ACACB: variants seen among roughly 807,000 people sequenced by gnomAD.
The protein encoded by ACACB is acetyl-CoA carboxylase beta.
A neutral mutation model predicts 278.8 loss-of-function variants in ACACB; 209 were observed. The observed-to-expected ratio is 0.75, with a 90% CI of 0.67 to 0.84. The LOEUF (loss-of-function observed/expected upper bound fraction) is 0.84. ACACB is among the 40% of genes least tolerant of loss of function. The pLI is 0.00. For synonymous variants in ACACB, 1,174 were observed against 1,285.6 expected (o/e 0.91, Z 1.86); for missense variants, 2,850 against 3,269.0 (o/e 0.87, Z 3.13).
At chr12:109,141,619 T>C (rs2043128206) in intron 2 of ACACB, among the ~76,000 whole-genome samples, 1 of 152,364 alleles carries the variant, frequency 6.6e-6, no homozygotes, top group South Asian at 2.1e-4. Flanking sequence ...TCTCCTGTAC[T>C]CTCTCCCAAA....
At chr12:109,211,987 A>T (rs1197658701) in intron 21 of ACACB, among the ~76,000 whole-genome samples, 4 of 152,178 alleles carry the variant, frequency 2.6e-5, no homozygotes, top group African/African-American at 9.6e-5. Flanking sequence ...ACCCTTCCCC[A>T]TGAGCACCCT....
chr12:109,212,785 G>C, intron 21 of ACACB, 51 bp from the exon 22 acceptor site: 1 of 1,503,622 alleles, frequency 6.7e-7, no homozygotes, highest in Non-Finnish European at 9.3e-7. Context: ...GGGGACTGCT[G>C]TGTGTCATCT....
the ACACB span, chr12:109,111,262 GTAAC>G: frequency 3.9e-5 from 6 of 152,598 alleles, no homozygotes; most frequent in East Asian, 7.7e-4. Flanking sequence ...CCCCAGAGGG[GTAAC>G]TAACGGCCTG....
At chr12:109,234,549 A>G (rs553824777) in intron 31 of ACACB, among the ~76,000 whole-genome samples, 1 of 152,210 alleles carries the variant, frequency 6.6e-6, no homozygotes, top group Non-Finnish European at 1.5e-5. Context: ...TATCTTTTTA[A>G]TAACAGCTTT....
At chr12:109,235,842 T>A (rs1479215943) in intron 33 of ACACB, 195 bp downstream of exon 33, 1 of 536,812 alleles carries the variant, frequency 1.9e-6, no homozygotes, top group Non-Finnish European at 3.3e-6. Flanking sequence ...TACAAAAAAA[T>A]TAAAAAATCA....
chr12:109,252,989 T>C, intron 42 of ACACB, 26 bp from the exon 43 acceptor site: 2 of 1,586,152 alleles, frequency 1.3e-6, no homozygotes, highest in Non-Finnish European at 1.7e-6. Flanking sequence ...GTGCAGGACA[T>C]TGCTAACCAT....
At chr12:109,126,943 A>G (rs939487585) in intron 1 of ACACB, among the ~76,000 whole-genome samples, 7 of 100,584 alleles carry the variant, frequency 7.0e-5, no homozygotes, top group Admixed American at 4.4e-4. Flanking sequence ...AATGCTGTAC[A>G]CCCGTACTCT....
Position 109,123,996 on chromosome 12 carries a change from T to C in ACACB, c.-10+7292T>C, listed in dbSNP as rs559319743. The stretch of plus-strand genomic sequence containing the variant: ...GAGCCACTGCATCTGGCCCCCAGAC[T>C]ATTTTCAAGCAATTCTCACAGCTAG... On this transcript the variant is annotated intron_variant, in intron 1 of 52. Transcript: ENST00000338432. Among the ~76,000 whole-genome samples, 129 of 152,130 alleles carry C rather than the reference T, an allele frequency of 8.5e-4. 2 individuals carry two copies. The highest frequency in any genetic ancestry group is 3.0e-3 in the African/African-American group (124 of 41,520).
intron 34 of ACACB, among the ~76,000 whole-genome samples, chr12:109,238,342 AT>A (rs750967305): frequency 0.074 from 9,826 of 133,664 alleles, 356 homozygotes; most frequent in Middle Eastern, 0.11. Flanking sequence ...ACCGTGTATA[AT>A]TTTTTTTTTT....
intron 27 of ACACB, among the ~76,000 whole-genome samples, chr12:109,226,158 C>A (rs1217126431): frequency 6.6e-6 from 1 of 151,990 alleles, no homozygotes; most frequent in Non-Finnish European, 1.5e-5. Flanking sequence ...GTAGTCCCAG[C>A]TACTTGGGAG....
intron 1 of ACACB, 97 bp from the exon 2 acceptor site, chr12:109,139,300 C>A: frequency 1.7e-6 from 2 of 1,163,066 alleles, no homozygotes; most frequent in Non-Finnish European, 1.2e-6. Context: ...TTCAGGAATA[C>A]ACAGCACCCC....
At chr12:109,212,229 G>A (rs2045869775) in intron 21 of ACACB, among the ~76,000 whole-genome samples, 1 of 152,170 alleles carries the variant, frequency 6.6e-6, no homozygotes, top group Admixed American at 6.6e-5. Context: ...CTGGGAGGCT[G>A]TGGTGGGTCC....
At chr12:109,262,317 A>C (rs1312819163) in intron 48 of ACACB, 40 bp from the exon 49 acceptor site, 1 of 1,532,604 alleles carries the variant, frequency 6.5e-7, no homozygotes, top group Non-Finnish European at 9.0e-7. Flanking sequence ...TTGCTGGGCA[A>C]TGCCTCATAT....
In ACACB at chr12:109,239,958, G is replaced by A; in HGVS notation, c.4791G>A (p.Val1597=). 6.2e-7 allele frequency: 1 copy of A among 1,614,104 alleles called. No individual in the cohort carries two copies. The highest frequency in any genetic ancestry group is 8.5e-7 in the Non-Finnish European group (1 of 1,180,000). ...TDCNHIFLNF[V]PTVIMDPFKI... is the part of the protein sequence containing the mutation. ...GCAACCACATCTTCCTCAACTTCGT[G>A]CCCACTGTCATCATGGACCCCTTCA... Residue 1597 remains valine, a synonymous_variant, in exon 35 of 53, where the codon GTG becomes GTA. Coordinates refer to ENST00000338432, the MANE Select transcript of ACACB (RefSeq NM_001093.4).
At chr12:109,214,122 G>T (rs1338799061) in intron 22 of ACACB, among the ~76,000 whole-genome samples, 1 of 151,988 alleles carries the variant, frequency 6.6e-6, no homozygotes, top group Non-Finnish European at 1.5e-5. Flanking sequence ...ATGAGTCGGG[G>T]ATGGTGGTGT....
At chr12:109,252,863 TG>T (rs1178761214) in intron 42 of ACACB, 151 bp from the exon 43 acceptor site, 2 of 670,274 alleles carry the variant, frequency 3.0e-6, no homozygotes, top group African/African-American at 3.7e-5. Flanking sequence ...CTGATATAAT[TG>T]GTCTGGATGT....
At chr12:109,264,162 A>C in intron 49 of ACACB, 70 bp from the exon 50 acceptor site, 1 of 1,542,816 alleles carries the variant, frequency 6.5e-7, no homozygotes, top group Non-Finnish European at 8.8e-7. Flanking sequence ...TTCAAAAAAA[A>C]AAAAAAATCT....
chr12:109,197,094 G>A lies in ACACB; in HGVS notation c.2568G>A (p.Gly856=), dbSNP rs1290219062. 1 of 1,601,950 alleles carries A rather than the reference G, an allele frequency of 6.2e-7. No homozygotes were observed. The highest frequency in any genetic ancestry group is 1.7e-5 in the Admixed American group (1 of 57,560). ...ATGCCCACCGGCTGAATGATGGGGG[G>A]CTCCTGCTCTCCTACAATGGGAACA... is the stretch of plus-strand genomic sequence containing the variant. The part of the protein sequence containing the change: ...EIDAHRLNDG[G]LLLSYNGNSY... The change falls in exon 17 of 53, where the codon GGG becomes GGA. Residue 856 remains glycine (G), a synonymous_variant. Coordinates refer to ENST00000338432, the MANE Select transcript of ACACB (RefSeq NM_001093.4).
Position 109,234,305 on chromosome 12 carries a change from C to T in ACACB, c.4347+260C>T, listed in dbSNP as rs190743773. ...TACACGGCTTAGCCAGTCCCAGGTACGGAGGGCACACCCAATAAATAGTTT... is the reference window on the plus strand; with the variant it reads ...TACACGGCTTAGCCAGTCCCAGGTATGGAGGGCACACCCAATAAATAGTTT... On this transcript the variant is annotated intron_variant, in intron 31 of 52. Transcript: ENST00000338432. 2.4e-4 allele frequency among the ~76,000 whole-genome samples: 37 copies of T among 152,210 alleles called. No homozygotes were observed. The South Asian group carries it at 3.1e-3, about 13-fold the overall frequency.
Sources: allele counts gnomAD v4.1 joint callset (sites outside exome capture counted in the v4.1 genomes callset), GRCh38; gene constraint gnomAD v4.1.1; transcripts MANE v1.5; gene names NCBI Gene and HGNC (gene_info 2026-07-23, HGNC 2026-07-21).